The following UQCC1 variants were observed in gnomAD, a reference collection of about 807,000 sequenced individuals.
UQCC1 encodes the protein ubiquinol-cytochrome c reductase complex assembly factor 1.
Under a neutral mutation model 48.0 loss-of-function variants are expected in UQCC1, and 38 were observed. The ratio of observed to expected loss-of-function variants is 0.79; its 90% confidence interval spans 0.61 to 1.04. The LOEUF (loss-of-function observed/expected upper bound fraction) is 1.04. UQCC1 is among the 50% of genes least tolerant of loss of function. The pLI is 0.00. For missense variants in UQCC1, 368 were observed against 381.8 expected, an observed-to-expected ratio of 0.96 and a Z score of 0.30; for synonymous variants, 111 against 129.2, an observed-to-expected ratio of 0.86 and a Z score of 0.95.
intron 2 of UQCC1, among the ~76,000 whole-genome samples, chr20:35,393,365 C>A (rs2062033849): frequency 6.6e-6 from 1 of 151,852 alleles, no homozygotes; most frequent in African/African-American, 2.4e-5. Flanking sequence ...ATTACAAAGT[C>A]TATCAAAACA....
chr20:35,389,972 G>A (rs2061993272), intron 2 of UQCC1, among the ~76,000 whole-genome samples: 1 of 152,164 alleles, frequency 6.6e-6, no homozygotes, highest in Non-Finnish European at 1.5e-5. Context: ...ATATACAATA[G>A]AAGAGTACGC....
intron 7 of UQCC1, among the ~76,000 whole-genome samples, chr20:35,326,378 GTGCCAAGCGCAGACAACCAGTCTTGTA>G (rs1333254020): frequency 6.6e-6 from 1 of 152,246 alleles, no homozygotes; most frequent in Non-Finnish European, 1.5e-5. Context: ...GACCCTGGCA[GTGCCAAGCGCAGACAACCAGTCTTGTA>G]TGATTTTAGC....
At chr20:35,407,604 T>G (rs2062271234) in intron 1 of UQCC1, among the ~76,000 whole-genome samples, 1 of 152,110 alleles carries the variant, frequency 6.6e-6, no homozygotes, top group African/African-American at 2.4e-5. Flanking sequence ...ATGAAAAACT[T>G]GCCAGATGCA....
At chr20:35,387,068 G>C (rs569740519) in intron 2 of UQCC1, among the ~76,000 whole-genome samples, 1 of 152,080 alleles carries the variant, frequency 6.6e-6, no homozygotes, top group East Asian at 1.9e-4. Context: ...CCTGAGTCCA[G>C]GAGTTAGAGA....
At chr20:35,364,752 A>C (rs535502503) in intron 6 of UQCC1, among the ~76,000 whole-genome samples, 20 of 152,252 alleles carry the variant, frequency 1.3e-4, no homozygotes, top group African/African-American at 4.6e-4. Context: ...TTAAAGAACT[A>C]TAAGTAGTTT....
intron 7 of UQCC1, among the ~76,000 whole-genome samples, chr20:35,325,531 G>T (rs781449880): frequency 2.6e-5 from 4 of 152,212 alleles, no homozygotes; most frequent in Non-Finnish European, 5.9e-5. Flanking sequence ...TCTTGGTACA[G>T]AATTCTACGT....
At position 35,321,283 on chromosome 20, in the gene UQCC1, T is replaced by TGTGTGTGTGCGC. The variant is rs1389196330; in HGVS notation, c.574-6519_574-6518insGCGCACACACAC. Among the ~76,000 whole-genome samples, 276 of 141,578 alleles carry TGTGTGTGTGCGC rather than the reference T, an allele frequency of 1.9e-3. 1 individual carries two copies. Among genetic ancestry groups the TGTGTGTGTGCGC allele is most frequent in the African/African-American group, 7.7e-3 (267 of 34,574 alleles). 92.9% of individuals were successfully genotyped at this position (141,578 alleles called of 152,430 possible). On this transcript the variant is annotated intron_variant, in intron 7 of 9. Transcript: ENST00000374385. ...GTGTGTGTGTGTGTGTGTGTGTGTG[T>TGTGTGTGTGCGC]GCGCGCGCGCGCGCGCACGCTCAGG...
intron 4 of UQCC1, among the ~76,000 whole-genome samples, chr20:35,381,176 G>A (rs576029857): frequency 1.7e-4 from 26 of 152,206 alleles, no homozygotes; most frequent in African/African-American, 5.8e-4. Flanking sequence ...GAGTTGACTG[G>A]GAGTGACATG....
chr20:35,411,648 G>C (rs150508808), intron 1 of UQCC1, among the ~76,000 whole-genome samples: 1 of 152,102 alleles, frequency 6.6e-6, no homozygotes, highest in Non-Finnish European at 1.5e-5. Flanking sequence ...TGTCCTACAT[G>C]CTCCTCTCCC....
intron 4 of UQCC1, among the ~76,000 whole-genome samples, chr20:35,378,016 A>C (rs956186459): frequency 6.6e-6 from 1 of 152,206 alleles, no homozygotes; most frequent in Non-Finnish European, 1.5e-5. Flanking sequence ...TATCACACAG[A>C]GACTGGAAAT....
chr20:35,404,405 T>G (rs1601037033), intron 1 of UQCC1, among the ~76,000 whole-genome samples: 1 of 139,500 alleles, frequency 7.2e-6, no homozygotes, highest in Non-Finnish European at 1.5e-5. Context: ...CCGGGCATGG[T>G]GGCAGGCGCC....
chr20:35,343,259 G>C (rs578118228), intron 7 of UQCC1, among the ~76,000 whole-genome samples: 1 of 152,268 alleles, frequency 6.6e-6, no homozygotes, highest in Non-Finnish European at 1.5e-5. Context: ...CTGAAAAAAA[G>C]CTGAAAACTT....
At chr20:35,348,227 T>C (rs2061451713) in intron 6 of UQCC1, among the ~76,000 whole-genome samples, 1 of 152,210 alleles carries the variant, frequency 6.6e-6, no homozygotes. Context: ...TTGCCTCTAG[T>C]CAGTCCAGAG....
chr20:35,377,872 G>A (rs1047976358), intron 4 of UQCC1, among the ~76,000 whole-genome samples: 1 of 152,190 alleles, frequency 6.6e-6, no homozygotes, highest in Non-Finnish European at 1.5e-5. Flanking sequence ...ATTGGCCAGA[G>A]TATGTTTTCA....
intron 1 of UQCC1, among the ~76,000 whole-genome samples, chr20:35,402,849 T>G (rs889027433): frequency 1.3e-5 from 2 of 151,762 alleles, no homozygotes; most frequent in Non-Finnish European, 2.9e-5. Context: ...GCGGACTGCC[T>G]GAGCTCAGGA....
At chr20:35,406,752 G>A (rs1430658290) in intron 1 of UQCC1, among the ~76,000 whole-genome samples, 1 of 152,030 alleles carries the variant, frequency 6.6e-6, no homozygotes, top group Non-Finnish European at 1.5e-5. Context: ...TAATTTAAAA[G>A]ACAACTACAA....
At chr20:35,343,052 T>G (rs975489251) in intron 7 of UQCC1, among the ~76,000 whole-genome samples, 2 of 152,240 alleles carry the variant, frequency 1.3e-5, no homozygotes, top group African/African-American at 2.4e-5. Flanking sequence ...AGTGGCTCTC[T>G]TATTTCTTGA....
intron 1 of UQCC1, among the ~76,000 whole-genome samples, chr20:35,404,966 A>G (rs1395156693): frequency 6.6e-6 from 1 of 152,210 alleles, no homozygotes; most frequent in Non-Finnish European, 1.5e-5. Flanking sequence ...ATTCCTGGGC[A>G]TCTAGGAAGC....
chr20:35,376,963 CAAAACA>C lies in UQCC1; in HGVS notation c.334-2713_334-2708del, dbSNP rs1298368842. 1.2e-4 allele frequency among the ~76,000 whole-genome samples: 12 copies of C among 98,008 alleles called. No homozygotes were observed. In the East Asian group the frequency reaches 1.3e-3, roughly 10 times the overall value. The allele number at this position is 98,008 out of a possible 152,430, so 64.3% of individuals were successfully genotyped here. On this transcript the variant is annotated intron_variant, in intron 4 of 9. Transcript: ENST00000374385. ...GACTCCATCTCAAAACAAAACAAAA[CAAAACA>C]AAAAAAAAAAGAAAAAGAAAAGGAA...
Sources: gnomAD v4.1 joint callset for allele counts (sites outside exome capture counted in the v4.1 genomes callset) on GRCh38, gnomAD v4.1.1 for gene constraint, MANE v1.5 for transcripts, NCBI Gene and HGNC (gene_info 2026-07-23, HGNC 2026-07-21) for gene names.